CSMD1: variants seen among roughly 807,000 people sequenced by gnomAD.
CSMD1 encodes CUB and sushi domain-containing protein 1.
A neutral mutation model predicts 417.5 loss-of-function variants in CSMD1; 213 were observed. That is an observed-to-expected ratio of 0.51 (90% CI 0.46 to 0.57). The LOEUF (loss-of-function observed/expected upper bound fraction) is 0.57, where lower values mean the gene tolerates loss of function less well. CSMD1 is among the 20% of genes least tolerant of loss of function. The probability of loss-of-function intolerance (pLI) is 0.00; values close to 1 mark genes in which losing one functional copy is unlikely to be tolerated. For missense variants in CSMD1, 6,923 were observed against 4,529.7 expected (o/e 1.53, Z -15.17); for synonymous variants, 2,862 against 1,736.8 (o/e 1.65, Z -16.11).
At chr8:4,059,865 C>G (rs927331435) in intron 3 of CSMD1, among the ~76,000 whole-genome samples, 25 of 149,744 alleles carry the variant, frequency 1.7e-4, no homozygotes, top group African/African-American at 6.1e-4. Flanking sequence ...ACCAGAGGTA[C>G]AAGGAGGAAC....
At chr8:3,652,082 A>G (rs1260764479) in intron 7 of CSMD1, among the ~76,000 whole-genome samples, 1 of 148,978 alleles carries the variant, frequency 6.7e-6, no homozygotes, top group African/African-American at 2.5e-5. Flanking sequence ...CAGAGCGCTT[A>G]CCACCATCAG....
rs1798254376 is a variant in CSMD1 at position 4,559,914 on chromosome 8, C to A, written c.302+77428G>T. On this transcript the variant is annotated intron_variant, in intron 2 of 69. Coordinates refer to ENST00000635120, the MANE Select transcript of CSMD1 (RefSeq NM_033225.6). ...TTTGGGTAACTTGGGTTTCTCATGACCCTGGGTTTCCTGATCATAAAACAC... is the reference window on the plus strand; with the variant it reads ...TTTGGGTAACTTGGGTTTCTCATGAACCTGGGTTTCCTGATCATAAAACAC... Among the ~76,000 whole-genome samples the A allele has an allele frequency of 3.3e-5, 5 of 152,352 alleles. No homozygotes were observed. In the South Asian group the frequency reaches 1.0e-3, roughly 32 times the overall value.
At chr8:4,396,794 C>G (rs548179127) in intron 3 of CSMD1, among the ~76,000 whole-genome samples, 1 of 152,096 alleles carries the variant, frequency 6.6e-6, no homozygotes, top group African/African-American at 2.4e-5. Context: ...AACCAAACAT[C>G]GTATGTTCTC....
intron 2 of CSMD1, among the ~76,000 whole-genome samples, chr8:4,464,322 C>T (rs1563203749): frequency 6.6e-6 from 1 of 152,134 alleles, no homozygotes; most frequent in Non-Finnish European, 1.5e-5. Context: ...CTTCAACTTA[C>T]AGTGCGGTTA....
intron 26 of CSMD1, among the ~76,000 whole-genome samples, chr8:3,234,702 T>TA (rs1272324888): frequency 2.0e-5 from 3 of 152,138 alleles, no homozygotes; most frequent in African/African-American, 7.2e-5. Context: ...ATGCAACACT[T>TA]ACAGTTAGAA....
intron 5 of CSMD1, among the ~76,000 whole-genome samples, chr8:3,989,374 G>C (rs980020041): frequency 7.2e-5 from 11 of 152,162 alleles, no homozygotes; most frequent in African/African-American, 2.4e-4. Context: ...CCTGCTGATA[G>C]AAAGGTAATG....
chr8:3,342,326 T>G (rs907391163), intron 23 of CSMD1, among the ~76,000 whole-genome samples: 7 of 152,198 alleles, frequency 4.6e-5, no homozygotes, highest in African/African-American at 1.7e-4. Context: ...GGACCTTTTT[T>G]GCCTATCCAT....
At chr8:4,462,646 TAATGA>T (rs565944079) in intron 2 of CSMD1, among the ~76,000 whole-genome samples, 55 of 152,334 alleles carry the variant, frequency 3.6e-4, no homozygotes, top group Non-Finnish European at 7.4e-5. Flanking sequence ...ACACATGGAT[TAATGA>T]AATAAAATTC....
intron 5 of CSMD1, among the ~76,000 whole-genome samples, chr8:3,907,838 T>A (rs574250078): frequency 1.3e-5 from 2 of 152,224 alleles, no homozygotes; most frequent in African/African-American, 4.8e-5. Flanking sequence ...CTTCTCATCA[T>A]CAACTCTGTG....
chr8:4,720,609 G>A (rs1008958616), intron 1 of CSMD1, among the ~76,000 whole-genome samples: 3 of 152,196 alleles, frequency 2.0e-5, no homozygotes, highest in Middle Eastern at 3.4e-3. Flanking sequence ...TAGAGACAGG[G>A]TTTCACCATG....
At chr8:3,202,155 G>A (rs578055300) in intron 31 of CSMD1, among the ~76,000 whole-genome samples, 58 of 152,140 alleles carry the variant, frequency 3.8e-4, no homozygotes, top group African/African-American at 1.2e-3. Flanking sequence ...GCGACAGAGT[G>A]AGACTCTGTC....
At chr8:4,213,702 G>C (rs1714713) in intron 3 of CSMD1, among the ~76,000 whole-genome samples, 148,460 of 152,336 alleles carry the variant, frequency 0.97, 72,485 homozygotes, top group East Asian at 1. Context: ...GTGGGAAGCC[G>C]TGGGCTCCTG....
intron 2 of CSMD1, among the ~76,000 whole-genome samples, chr8:4,614,289 T>G (rs911237530): frequency 6.6e-6 from 1 of 152,192 alleles, no homozygotes; most frequent in East Asian, 1.9e-4. Context: ...CTAAACGGAC[T>G]GGACACAAAG....
At chr8:4,154,006 T>A (rs977836294) in intron 3 of CSMD1, among the ~76,000 whole-genome samples, 4 of 152,202 alleles carry the variant, frequency 2.6e-5, no homozygotes, top group Admixed American at 2.0e-4. Flanking sequence ...TAGCTTTCCA[T>A]CCTCATTTTG....
At chr8:2,973,933 GTGGTAGAGGATGA>G (rs1563196511) in intron 56 of CSMD1, among the ~76,000 whole-genome samples, 40 of 136,016 alleles carry the variant, frequency 2.9e-4, no homozygotes, top group Admixed American at 2.8e-4. Flanking sequence ...GTAGAGGATG[GTGGTAGAGGATGA>G]TGGTAGAGGA....
chr8:3,238,269 C>T (rs528355623), intron 26 of CSMD1, among the ~76,000 whole-genome samples: 3 of 152,048 alleles, frequency 2.0e-5, no homozygotes, highest in East Asian at 3.9e-4. Flanking sequence ...ATAATGTCAT[C>T]AGTTAAGGCA....
chr8:3,756,574 G>C (rs1047355062), intron 5 of CSMD1, among the ~76,000 whole-genome samples: 11 of 151,960 alleles, frequency 7.2e-5, no homozygotes, highest in African/African-American at 1.7e-4. Context: ...AGTATCCAAA[G>C]CCCTCAAAAT....
intron 6 of CSMD1, among the ~76,000 whole-genome samples, chr8:3,717,702 T>C (rs1393502801): frequency 6.6e-6 from 1 of 152,198 alleles, no homozygotes. Context: ...AGACACTTAA[T>C]ATTGGTAGAA....
At chr8:4,524,719 T>G (rs770769970) in intron 2 of CSMD1, among the ~76,000 whole-genome samples, 1 of 152,162 alleles carries the variant, frequency 6.6e-6, no homozygotes, top group Non-Finnish European at 1.5e-5. Context: ...AAATCTGATA[T>G]TTGATCCTAA....
Sources: allele counts gnomAD v4.1 joint callset (sites outside exome capture counted in the v4.1 genomes callset), GRCh38; gene constraint gnomAD v4.1.1; transcripts MANE v1.5; gene names NCBI Gene and HGNC (gene_info 2026-07-23, HGNC 2026-07-21).